Variants in ZNF66 observed in about 807,000 individuals in gnomAD.
ZNF66 encodes putative zinc finger protein 66.
In ZNF66, 32 loss-of-function variants were observed where a neutral mutation model predicts 35.2. That is an observed-to-expected ratio of 0.91 (90% CI 0.69 to 1.22). ZNF66 has a LOEUF of 1.22. ZNF66 is among the 50% of genes most tolerant of loss of function. The pLI is 0.00. For synonymous variants in ZNF66, 231 were observed against 181.3 expected (o/e 1.27, Z -2.20); for missense variants, 666 against 543.1 (o/e 1.23, Z -2.25).
intron 2 of ZNF66, 83 bp from the exon 3 acceptor site, chr19:20,793,700 C>T (rs1971363515): frequency 3.9e-6 from 2 of 508,642 alleles, no homozygotes; most frequent in Non-Finnish European, 6.9e-6. Flanking sequence ...AATATTTTAT[C>T]ACATCATCTT....
intron 3 of ZNF66, among the ~76,000 whole-genome samples, chr19:20,798,736 T>C (rs1343996486): frequency 2.6e-5 from 4 of 152,206 alleles, no homozygotes; most frequent in African/African-American, 7.2e-5. Flanking sequence ...GATTTTATGA[T>C]TTTGACTACT....
At chr19:20,793,937 A>G in intron 3 of ZNF66, 59 bp downstream of exon 3, 1 of 767,780 alleles carries the variant, frequency 1.3e-6, no homozygotes, top group Non-Finnish European at 2.1e-6. Context: ...AAGGTCAAAA[A>G]GAAAGCCAGT....
chr19:20,797,199 T>C (rs1246150386), intron 3 of ZNF66, among the ~76,000 whole-genome samples: 3 of 68,080 alleles, frequency 4.4e-5, no homozygotes, highest in Non-Finnish European at 8.6e-5. Flanking sequence ...ATTTTTTTTT[T>C]TTTTTTTTTT....
chr19:20,805,126 T>TGTGTGTGTGTGTGAGAGAGAGA (rs752355466), intron 3 of ZNF66, among the ~76,000 whole-genome samples: 1 of 145,984 alleles, frequency 6.9e-6, no homozygotes, highest in Admixed American at 6.9e-5. Context: ...TGTGTGTGTG[T>TGTGTGTGTGTGTGAGAGAGAGA]GAGAGAGAGA....
At chr19:20,799,065 C>CTTTTTTTTTT (rs746296804) in intron 3 of ZNF66, 2 of 128,156 alleles carry the variant, frequency 1.6e-5, no homozygotes, top group African/African-American at 5.9e-5. Flanking sequence ...TTCTTTCTTT[C>CTTTTTTTTTT]TTTTTTTTTT....
At position 20,806,444 on chromosome 19, in the gene ZNF66, G is replaced by A; in HGVS notation, c.844G>A (p.Glu282Lys). 1 of 1,546,848 alleles carries A rather than the reference G, an allele frequency of 6.5e-7. No individual in the cohort carries two copies. The highest frequency in any genetic ancestry group is 8.9e-7 in the Non-Finnish European group (1 of 1,119,364). The change falls in exon 4 of 4, where the codon GAG (glutamate) becomes AAG (lysine). Residue 282 changes from glutamate (E) to lysine (K), a missense_variant. Glu to Lys is a moderately conservative substitution (Grantham distance 56). Coordinates refer to ENST00000344519, the MANE Select transcript of ZNF66 (RefSeq NM_001355197.2). Reference sequence around the variant, plus strand: ...TACACATAAGAGAATTCATACTGGAGAGAAACCCTACAAATGTGAAGAATG... The same window carrying A: ...TACACATAAGAGAATTCATACTGGAAAGAAACCCTACAAATGTGAAGAATG... ...LTTHKRIHTG[E>K]KPYKCEECGK...
At chr19:20,786,785 G>A (rs1971290949) in intron 1 of ZNF66, among the ~76,000 whole-genome samples, 1 of 152,132 alleles carries the variant, frequency 6.6e-6, no homozygotes, top group South Asian at 2.1e-4. Context: ...TTTTTGAGAT[G>A]GAGTTTCAAT....
rs564084593 is a variant in ZNF66 at position 20,808,841 on chromosome 19, A to T, written c.*1519A>T. 5.9e-3 allele frequency among the ~76,000 whole-genome samples: 894 copies of T among 152,316 alleles called. 11 individuals carry two copies. Among genetic ancestry groups the T allele is most frequent in the African/African-American group, 0.021 (873 of 41,556 alleles). ...CCCACCAGCAACAGAACAAAGCTGGATGGAGAATGACTTTGATGAGTTGAG... is the reference window on the plus strand; with the variant it reads ...CCCACCAGCAACAGAACAAAGCTGGTTGGAGAATGACTTTGATGAGTTGAG... On this transcript the variant is annotated 3_prime_UTR_variant, in exon 4 of 4. Coordinates refer to ENST00000344519, the MANE Select transcript of ZNF66 (RefSeq NM_001355197.2).
intron 3 of ZNF66, among the ~76,000 whole-genome samples, chr19:20,795,210 C>CAT (rs1971380060): frequency 6.6e-6 from 1 of 151,558 alleles, no homozygotes; most frequent in Non-Finnish European, 1.5e-5. Flanking sequence ...TCTTCTGCCA[C>CAT]ATACTTCCAT....
At chr19:20,782,271 C>T (rs544067574) in intron 1 of ZNF66, among the ~76,000 whole-genome samples, 23 of 152,292 alleles carry the variant, frequency 1.5e-4, no homozygotes, top group Admixed American at 6.5e-4. Context: ...ACCCAGTCTA[C>T]CATTGATAGG....
At chr19:20,791,502 A>AG (rs1463597788) in intron 1 of ZNF66, among the ~76,000 whole-genome samples, 104 of 146,084 alleles carry the variant, frequency 7.1e-4, no homozygotes, top group African/African-American at 2.3e-3. Flanking sequence ...AAAAAAAAAA[A>AG]AAAGAAAATT....
At chr19:20,781,968 C>T (rs1293419846) in intron 1 of ZNF66, among the ~76,000 whole-genome samples, 1 of 152,024 alleles carries the variant, frequency 6.6e-6, no homozygotes, top group Non-Finnish European at 1.5e-5. Flanking sequence ...GACAGAGTCT[C>T]ACTTATTGCC....
chr19:20,786,569 C>T (rs1013523934), intron 1 of ZNF66, among the ~76,000 whole-genome samples: 4 of 152,118 alleles, frequency 2.6e-5, no homozygotes, highest in Admixed American at 6.6e-5. Context: ...GAATCCAGGT[C>T]ATGAGATTTG....
rs201049152 is a variant in ZNF66, at chr19:20,808,790, TCTC to T, written c.*1476_*1478del. 0.091 allele frequency among the ~76,000 whole-genome samples: 13,867 copies of T among 151,662 alleles called. 602 individuals carry two copies. Among genetic ancestry groups the T allele is most frequent in the Middle Eastern group, 0.11 (33 of 292 alleles). Reference sequence around the variant, plus strand: ...TGGAAAGTCTAAAAAGCAGAGCACCTCTCCTCCTCCAAAGGAACACAGTTCCCC... The same window carrying T: ...TGGAAAGTCTAAAAAGCAGAGCACCTCTCCTCCAAAGGAACACAGTTCCCC... On this transcript the variant is annotated 3_prime_UTR_variant, in exon 4 of 4. Transcript: ENST00000344519.
chr19:20,776,483 T>C, intron 1 of ZNF66, 33 bp downstream of exon 1: 1 of 1,531,358 alleles, frequency 6.5e-7, no homozygotes, highest in Non-Finnish European at 9.0e-7. Flanking sequence ...CCGAGAGAGG[T>C]GAAGTGTCTG....
chr19:20,788,374 T>C (rs1027563214), intron 1 of ZNF66, among the ~76,000 whole-genome samples: 1 of 152,194 alleles, frequency 6.6e-6, no homozygotes, highest in Non-Finnish European at 1.5e-5. Context: ...ACTTCTGATG[T>C]CTACATCTCA....
At chr19:20,794,647 T>G (rs1971374127) in intron 3 of ZNF66, 1 of 151,814 alleles carries the variant, frequency 6.6e-6, no homozygotes, top group Admixed American at 6.6e-5. Flanking sequence ...TTTTTTTACC[T>G]CCTTGGTTAA....
intron 1 of ZNF66, among the ~76,000 whole-genome samples, chr19:20,789,616 C>T: frequency 6.6e-6 from 1 of 152,104 alleles, no homozygotes; most frequent in African/African-American, 2.4e-5. Flanking sequence ...CTACATTAAC[C>T]TCTTTCTTTC....
intron 1 of ZNF66, chr19:20,784,869 T>C (rs1971273414): frequency 6.5e-6 from 1 of 152,674 alleles, no homozygotes; most frequent in African/African-American, 2.4e-5. Flanking sequence ...TTTAACTTCC[T>C]TCTCTCAAAA....
Sources: gnomAD v4.1 joint callset for allele counts (sites outside exome capture counted in the v4.1 genomes callset) on GRCh38, gnomAD v4.1.1 for gene constraint, MANE v1.5 for transcripts, NCBI Gene and HGNC (gene_info 2026-07-23, HGNC 2026-07-21) for gene names.